Variants in ANKRD10 observed in about 807,000 individuals in gnomAD.
ANKRD10 encodes ankyrin repeat domain 10.
Under a neutral mutation model 27.0 loss-of-function variants are expected in ANKRD10, and 14 were observed. The ratio of observed to expected loss-of-function variants is 0.52; its 90% CI spans 0.34 to 0.81. The LOEUF (loss-of-function observed/expected upper bound fraction) is 0.81, where lower values mean the gene tolerates loss of function less well. Ranked by LOEUF, ANKRD10 falls within the 40% of genes least tolerant of loss-of-function variation. The probability of loss-of-function intolerance (pLI) is 0.01; values close to 1 mark genes in which losing one functional copy is unlikely to be tolerated. For missense variants in ANKRD10, 493 were observed against 544.0 expected (o/e 0.91, Z 0.93); for synonymous variants, 250 against 224.5 (o/e 1.11, Z -1.01).
intron 4 of ANKRD10, among the ~76,000 whole-genome samples, chr13:110,889,743 G>T (rs1452295308): frequency 2.0e-5 from 3 of 152,100 alleles, no homozygotes; most frequent in African/African-American, 7.2e-5. Flanking sequence ...GAATTTTACA[G>T]GGATCTCCTT....
At chr13:110,892,938 T>A in intron 4 of ANKRD10, 90 bp downstream of exon 4, 1 of 1,526,418 alleles carries the variant, frequency 6.6e-7, no homozygotes, top group Non-Finnish European at 8.8e-7. Flanking sequence ...AGTGAAGGTC[T>A]CATCTCGAAG....
At chr13:110,893,986 C>T in intron 3 of ANKRD10, 2 of 673,356 alleles carry the variant, frequency 3.0e-6, no homozygotes, top group Non-Finnish European at 5.0e-6. Context: ...TTTTACCTGG[C>T]TAATAGTACT....
Position 110,901,591 on chromosome 13 carries a change from A to C in ANKRD10, c.455+4442T>G, listed in dbSNP as rs574565420. 2.0e-5 allele frequency among the ~76,000 whole-genome samples: 3 copies of C among 152,264 alleles called. No individual in the cohort carries two copies. In the East Asian group the frequency reaches 5.8e-4, roughly 29 times the overall value. ...GCTATGAAAAACAATCAAAATTCTGAACAATTTCTTAACAAGTCTAGAATG... is the reference window on the plus strand; with the variant it reads ...GCTATGAAAAACAATCAAAATTCTGCACAATTTCTTAACAAGTCTAGAATG... On this transcript the variant is annotated intron_variant, in intron 3 of 5. Transcript: ENST00000267339.
chr13:110,879,441 C>T lies in ANKRD10; in HGVS notation c.*196G>A. On this transcript the variant is annotated 3_prime_UTR_variant, in exon 6 of 6. Coordinates refer to ENST00000267339, the MANE Select transcript of ANKRD10 (RefSeq NM_017664.4). Reference sequence around the variant, plus strand: ...TAAAAAGGACACCTCACTGTAGAAACATCTATGCACTTAGTAAGCCCTACT... The same window carrying T: ...TAAAAAGGACACCTCACTGTAGAAATATCTATGCACTTAGTAAGCCCTACT... The T allele has an allele frequency of 3.4e-6, 2 of 579,828 alleles. No individual in the cohort carries two copies. The highest frequency in any genetic ancestry group is 6.1e-6 in the Non-Finnish European group (2 of 325,694). The allele number at this position is 579,828 out of a possible 1,614,324, so 35.9% of individuals were successfully genotyped here. A position where few individuals can be genotyped will look rare whatever the true frequency, so the allele number is the denominator to read the frequency against.
chr13:110,899,816 C>T (rs2065334153), intron 3 of ANKRD10, among the ~76,000 whole-genome samples: 1 of 62,896 alleles, frequency 1.6e-5, no homozygotes, highest in Non-Finnish European at 3.1e-5. Flanking sequence ...ACATGTTCTG[C>T]TAAGTAACTT....
At position 110,900,186 on chromosome 13, in the gene ANKRD10, T is replaced by C. The variant is rs568672658; in HGVS notation, c.455+5847A>G. 1.6e-4 allele frequency among the ~76,000 whole-genome samples: 25 copies of C among 152,318 alleles called. No individual in the cohort carries two copies. In the South Asian group the frequency reaches 4.8e-3, roughly 29 times the overall value. ...CCAGGGTCCCACCAGTTTCCACTTA[T>C]AGTGCCACAATTCCAGAACAAAGGA... On this transcript the variant is annotated intron_variant, in intron 3 of 5. Transcript: ENST00000267339.
At chr13:110,886,443 T>C (rs2064932125) in intron 4 of ANKRD10, among the ~76,000 whole-genome samples, 1 of 152,248 alleles carries the variant, frequency 6.6e-6, no homozygotes, top group Non-Finnish European at 1.5e-5. Flanking sequence ...ACAGCCTCTC[T>C]ATACGGTGTA....
intron 2 of ANKRD10, among the ~76,000 whole-genome samples, chr13:110,909,248 T>C (rs2065625007): frequency 6.6e-6 from 1 of 152,206 alleles, no homozygotes; most frequent in Non-Finnish European, 1.5e-5. Flanking sequence ...TATTAATTAC[T>C]GCCATTCATG....
intron 3 of ANKRD10, among the ~76,000 whole-genome samples, chr13:110,901,993 TA>T: frequency 7.1e-6 from 1 of 140,128 alleles, no homozygotes; most frequent in Non-Finnish European, 1.5e-5. Context: ...CAGTGAACTA[TA>T]ATCATGCCAC....
chr13:110,915,063 AG>A lies in ANKRD10; in HGVS notation c.-130del, dbSNP rs1284680854. 7.1e-7 allele frequency: 1 copy of A among 1,402,484 alleles called. No homozygotes were observed. The highest frequency in any genetic ancestry group is 2.8e-5 in the East Asian group (1 of 35,754). The allele number at this position is 1,402,484 out of a possible 1,614,324, so 86.9% of individuals were successfully genotyped here. ...TCGCGTCCCACAGGCTGCCGAGCGG[AG>A]CGCGCACAGAGGGGGCGGGGCGGGG... On this transcript the variant is annotated 5_prime_UTR_variant, in exon 1 of 6. Coordinates refer to ENST00000267339, the MANE Select transcript of ANKRD10 (RefSeq NM_017664.4).
intron 3 of ANKRD10, chr13:110,903,383 A>G (rs1459000394): frequency 6.5e-6 from 1 of 153,922 alleles, no homozygotes; most frequent in African/African-American, 2.4e-5. Context: ...CCAACATATA[A>G]GCCAGAAACA....
At chr13:110,896,036 G>A (rs980971866) in intron 3 of ANKRD10, among the ~76,000 whole-genome samples, 1 of 152,190 alleles carries the variant, frequency 6.6e-6, no homozygotes, top group Non-Finnish European at 1.5e-5. Context: ...GTACTCGTAC[G>A]TAAGGACCAA....
At chr13:110,887,355 A>G (rs369429255) in intron 4 of ANKRD10, among the ~76,000 whole-genome samples, 12 of 152,134 alleles carry the variant, frequency 7.9e-5, no homozygotes, top group African/African-American at 2.7e-4. Context: ...AAGTAATGCA[A>G]TTGGACACCA....
At chr13:110,895,157 CAG>C (rs981119458) in intron 3 of ANKRD10, 3 of 152,146 alleles carry the variant, frequency 2.0e-5, no homozygotes, top group South Asian at 2.1e-4. Context: ...AATCAAGAAA[CAG>C]AGAAATGAGA....
Position 110,914,830 on chromosome 13 carries a change from C to T in ANKRD10, c.105G>A (p.Leu35=), listed in dbSNP as rs372784698. The change falls in exon 1 of 6, where the codon CTG becomes CTA. Residue 35 remains leucine (L), a synonymous_variant. Transcript: ENST00000267339. ...GCTGCAGCAGCGAGCAGAGCGTGGC[C>T]AGGTCCCCGTCGCGGCAGGCGCGGT... ...PLHRACRDGD[L]ATLCSLLQQT... 12 of 1,584,054 alleles carry T rather than the reference C, an allele frequency of 7.6e-6. No homozygotes were observed. The highest frequency in any genetic ancestry group is 1.0e-5 in the Non-Finnish European group (12 of 1,166,284).
chr13:110,911,247 C>T (rs1314257515), intron 1 of ANKRD10, among the ~76,000 whole-genome samples: 3 of 151,132 alleles, frequency 2.0e-5, no homozygotes, highest in Non-Finnish European at 4.4e-5. Context: ...GTCAGGAATT[C>T]GAAACCAGCC....
chr13:110,879,617 CGA>C lies in ANKRD10; in HGVS notation c.*18_*19del. The C allele has an allele frequency of 6.3e-7, 1 of 1,589,724 alleles. No individual in the cohort carries two copies. The highest frequency in any genetic ancestry group is 8.6e-7 in the Non-Finnish European group (1 of 1,162,738). ...CTACCAGGAAGGACTCCTGCGTTTCCGAGAGCCAGGTCAGCGTCTCTAGGAGC... is the reference window on the plus strand; with the variant it reads ...CTACCAGGAAGGACTCCTGCGTTTCCGAGCCAGGTCAGCGTCTCTAGGAGC... On this transcript the variant is annotated 3_prime_UTR_variant, in exon 6 of 6. Coordinates refer to ENST00000267339, the MANE Select transcript of ANKRD10 (RefSeq NM_017664.4).
intron 5 of ANKRD10, among the ~76,000 whole-genome samples, chr13:110,880,337 T>C (rs1437547303): frequency 6.6e-6 from 1 of 152,214 alleles, no homozygotes; most frequent in Non-Finnish European, 1.5e-5. Context: ...TGTGTGTCAG[T>C]AGCATCAGGT....
intron 3 of ANKRD10, among the ~76,000 whole-genome samples, chr13:110,905,805 ACTCT>A (rs759074438): frequency 1.3e-5 from 2 of 152,098 alleles, no homozygotes; most frequent in Non-Finnish European, 2.9e-5. Context: ...GTTCAAATAC[ACTCT>A]CTCGACAAGA....
Sources: gnomAD v4.1 joint callset for allele counts (sites outside exome capture counted in the v4.1 genomes callset) on GRCh38, gnomAD v4.1.1 for gene constraint, MANE v1.5 for transcripts, NCBI Gene and HGNC (gene_info 2026-07-23, HGNC 2026-07-21) for gene names.